SORBS2: variants seen among roughly 807,000 people sequenced by gnomAD.
SORBS2 encodes sorbin and SH3 domain-containing protein 2.
In SORBS2, 46 loss-of-function variants were observed where a neutral mutation model predicts 97.7. That is an observed-to-expected ratio of 0.47 (90% CI 0.37 to 0.60). The LOEUF (loss-of-function observed/expected upper bound fraction) is 0.60, where lower values mean the gene tolerates loss of function less well. SORBS2 is among the 20% of genes least tolerant of loss of function. The pLI is 0.00. For missense variants in SORBS2, 1,316 were observed against 1,282.3 expected, an observed-to-expected ratio of 1.03 and a Z score of -0.40; for synonymous variants, 476 against 473.4, an observed-to-expected ratio of 1.01 and a Z score of -0.07.
intron 1 of SORBS2, among the ~76,000 whole-genome samples, chr4:185,889,722 C>A (rs1317902788): frequency 6.6e-6 from 1 of 152,060 alleles, no homozygotes; most frequent in African/African-American, 2.4e-5. Flanking sequence ...CAGTTTTACG[C>A]CCTGAACATC....
chr4:185,895,137 T>C (rs1342950226), intron 1 of SORBS2, among the ~76,000 whole-genome samples: 2 of 152,224 alleles, frequency 1.3e-5, no homozygotes, highest in Non-Finnish European at 2.9e-5. Context: ...ATTAGGACGA[T>C]AGGCCCACCG....
chr4:185,816,692 A>G (rs2099193449), intron 1 of SORBS2, among the ~76,000 whole-genome samples: 1 of 152,258 alleles, frequency 6.6e-6, no homozygotes, highest in African/African-American at 2.4e-5. Flanking sequence ...ATCAGTATCC[A>G]GAATGACTTT....
In SORBS2 at chr4:185,702,262, A is replaced by T. The variant is rs542533407; in HGVS notation, c.-197-23440T>A. 1.6e-3 allele frequency among the ~76,000 whole-genome samples: 239 copies of T among 152,258 alleles called. 2 individuals are homozygous for T. Among genetic ancestry groups the T allele is most frequent in the African/African-American group, 5.6e-3 (233 of 41,550 alleles). ...TTTGCTTGGGTTTTAGAGAGGCCTC[A>T]TGATGCTTCCACTCCTGGTGGAGGG... On this transcript the variant is annotated intron_variant, in intron 2 of 20. Coordinates refer to the SORBS2 transcript ENST00000284776.
At chr4:185,592,582 G>GTCTT (rs2095976159) in intron 13 of SORBS2, among the ~76,000 whole-genome samples, 2 of 152,152 alleles carry the variant, frequency 1.3e-5, no homozygotes, top group African/African-American at 4.8e-5. Context: ...TTGAGACAGG[G>GTCTT]TCTTGCTCTG....
chr4:185,615,360 T>A (rs1293414778), intron 9 of SORBS2: 4 of 569,616 alleles, frequency 7.0e-6, no homozygotes, highest in Non-Finnish European at 1.3e-5. Flanking sequence ...AGAAATGATT[T>A]CAAACAGAGT....
chr4:185,855,692 T>C (rs1383598031), intron 1 of SORBS2, among the ~76,000 whole-genome samples: 1 of 152,184 alleles, frequency 6.6e-6, no homozygotes, highest in Admixed American at 6.5e-5. Flanking sequence ...ATAGAAACCA[T>C]GTGTCTGTAC....
intron 2 of SORBS2, among the ~76,000 whole-genome samples, chr4:185,723,506 G>A (rs2098532647): frequency 6.6e-6 from 1 of 152,220 alleles, no homozygotes; most frequent in East Asian, 1.9e-4. Flanking sequence ...AGAAAGGACA[G>A]CCCGTACCAG....
chr4:185,789,082 T>C (rs73873382), intron 1 of SORBS2, among the ~76,000 whole-genome samples: 5,993 of 152,218 alleles, frequency 0.039, 403 homozygotes, highest in African/African-American at 0.13. Context: ...CTCCAATTAT[T>C]CTTTGGGGCG....
At chr4:185,749,946 A>G (rs572241699) in intron 2 of SORBS2, among the ~76,000 whole-genome samples, 1 of 152,332 alleles carries the variant, frequency 6.6e-6, no homozygotes, top group African/African-American at 2.4e-5. Flanking sequence ...TTCCATCTAT[A>G]AACACCAAAC....
At chr4:185,701,519 A>G (rs1402389135) in intron 2 of SORBS2, among the ~76,000 whole-genome samples, 2 of 152,222 alleles carry the variant, frequency 1.3e-5, no homozygotes, top group African/African-American at 4.8e-5. Flanking sequence ...GCACTTTGTC[A>G]TCTGTGCTGC....
At chr4:185,867,690 G>T (rs1329685671) in intron 1 of SORBS2, among the ~76,000 whole-genome samples, 1 of 152,130 alleles carries the variant, frequency 6.6e-6, no homozygotes, top group African/African-American at 2.4e-5. Context: ...TCATGCAAAG[G>T]TCCTGACACC....
At chr4:185,617,865 T>G (rs2096652315) in intron 9 of SORBS2, among the ~76,000 whole-genome samples, 2 of 152,228 alleles carry the variant, frequency 1.3e-5, no homozygotes, top group South Asian at 4.1e-4. Flanking sequence ...ATCTTTGTAC[T>G]AAGTTCTAGT....
chr4:185,736,940 C>T (rs2276911), intron 2 of SORBS2, among the ~76,000 whole-genome samples: 17,872 of 152,154 alleles, frequency 0.12, 1,330 homozygotes, highest in East Asian at 0.35. Flanking sequence ...TCTCCCTGTG[C>T]CCCATTGCTA....
intron 1 of SORBS2, among the ~76,000 whole-genome samples, chr4:185,838,704 A>G (rs1340435509): frequency 4.6e-5 from 7 of 152,062 alleles, no homozygotes; most frequent in African/African-American, 1.2e-4. Flanking sequence ...CATGTCCGCT[A>G]TCTCCTCGCA....
intron 4 of SORBS2, among the ~76,000 whole-genome samples, chr4:185,630,855 T>C (rs1253188311): frequency 6.6e-6 from 1 of 152,090 alleles, no homozygotes; most frequent in East Asian, 1.9e-4. Context: ...ACCCAAGCAT[T>C]GCATGGGGGG....
intron 2 of SORBS2, chr4:185,772,366 T>C (rs1310344645): frequency 1.3e-5 from 2 of 152,180 alleles, no homozygotes; most frequent in Non-Finnish European, 2.9e-5. Flanking sequence ...CCTTGGAGTA[T>C]ATCAGTTGAG....
intron 1 of SORBS2, among the ~76,000 whole-genome samples, chr4:185,879,874 C>G (rs4862582): frequency 0.63 from 96,017 of 152,144 alleles, 30,679 homozygotes; most frequent in Middle Eastern, 0.74. Flanking sequence ...AGGGCGTCCA[C>G]GTGTCTTTGT....
rs758287204 is a variant in SORBS2 at position 185,713,038 on chromosome 4, C to T, written c.-197-34216G>A. Among the ~76,000 whole-genome samples the T allele has an allele frequency of 1.1e-4, 17 of 152,312 alleles. No individual in the cohort carries two copies. The East Asian group carries it at 1.7e-3, about 16-fold the overall frequency. The stretch of plus-strand genomic sequence containing the variant: ...AGTATCCAGAGTGATGCTCAAACAT[C>T]TGAGAGACATCAGGCATTCTCCTAT... On this transcript the variant is annotated intron_variant, in intron 2 of 20. Coordinates refer to the SORBS2 transcript ENST00000284776.
chr4:185,896,133 TG>T, intron 1 of SORBS2, among the ~76,000 whole-genome samples: 1 of 152,290 alleles, frequency 6.6e-6, no homozygotes, highest in African/African-American at 2.4e-5. Context: ...AATACTCCAG[TG>T]GATTCCACAG....
Sources: allele counts gnomAD v4.1 joint callset (sites outside exome capture counted in the v4.1 genomes callset), GRCh38; gene constraint gnomAD v4.1.1; transcripts MANE v1.5; gene names NCBI Gene and HGNC (gene_info 2026-07-23, HGNC 2026-07-21).